The following ADARB2 variants were observed in gnomAD, a reference collection of about 807,000 sequenced individuals.
The protein encoded by ADARB2 is inactive double-stranded RNA-specific editase B2.
ADARB2 carries 25 observed loss-of-function variants against 62.2 expected under a neutral mutation model. The observed-to-expected ratio is 0.40, with a 90% confidence interval of 0.29 to 0.56. ADARB2 has a LOEUF of 0.56. Among genes scored for constraint, ADARB2 ranks in the 20% least tolerant of loss-of-function variants. ADARB2 has a pLI of 0.43. For synonymous variants in ADARB2, 572 were observed against 500.8 expected, an observed-to-expected ratio of 1.14 and a Z score of -1.90; for missense variants, 1,071 against 1,077.4, an observed-to-expected ratio of 0.99 and a Z score of 0.08.
intron 1 of ADARB2, among the ~76,000 whole-genome samples, chr10:1,517,178 T>C (rs1385727405): frequency 6.6e-6 from 1 of 152,142 alleles, no homozygotes; most frequent in Non-Finnish European, 1.5e-5. Context: ...AAAGTAACTC[T>C]TGCATCGTGC....
intron 3 of ADARB2, among the ~76,000 whole-genome samples, chr10:1,289,860 A>C (rs964309667): frequency 1.3e-5 from 2 of 152,256 alleles, no homozygotes; most frequent in African/African-American, 4.8e-5. Flanking sequence ...TTCGCCAAAC[A>C]ATAGCCTCTG....
chr10:1,630,249 C>T lies in ADARB2; in HGVS notation c.100+106802G>A, dbSNP rs76158364. Among the ~76,000 whole-genome samples the T allele has an allele frequency of 1.3e-4, 20 of 152,310 alleles. No homozygotes were observed. The East Asian group carries it at 3.7e-3, about 28-fold the overall frequency. Reference sequence around the variant, plus strand: ...ATGAATGGGACAGACTAGAGCTTGGCCCTCCCGACACTTATGTTCTCGTGA... The same window carrying T: ...ATGAATGGGACAGACTAGAGCTTGGTCCTCCCGACACTTATGTTCTCGTGA... On this transcript the variant is annotated intron_variant, in intron 1 of 9. Coordinates refer to ENST00000381312, the MANE Select transcript of ADARB2 (RefSeq NM_018702.4).
intron 1 of ADARB2, among the ~76,000 whole-genome samples, chr10:1,590,751 T>C (rs138222107): frequency 6.6e-6 from 1 of 152,336 alleles, no homozygotes; most frequent in African/African-American, 2.4e-5. Flanking sequence ...CGGAGAGTCG[T>C]GCAGGGGGTT....
chr10:1,695,366 G>T (rs74108988), intron 1 of ADARB2, among the ~76,000 whole-genome samples: 17,998 of 152,134 alleles, frequency 0.12, 1,177 homozygotes, highest in Non-Finnish European at 0.15. Context: ...GCATTAACAG[G>T]CTCACACAGC....
intron 1 of ADARB2, among the ~76,000 whole-genome samples, chr10:1,501,768 C>T (rs188323405): frequency 6.6e-6 from 1 of 152,266 alleles, no homozygotes; most frequent in East Asian, 1.9e-4. Flanking sequence ...TATCATTTCT[C>T]CCCACTGGGC....
chr10:1,646,158 TTTCC>T lies in ADARB2; in HGVS notation c.100+90889_100+90892del, dbSNP rs759024909. 9.6e-3 allele frequency among the ~76,000 whole-genome samples: 1,455 copies of T among 152,238 alleles called. 6 individuals carry two copies. The highest frequency in any genetic ancestry group is 0.037 in the Middle Eastern group (11 of 294). On this transcript the variant is annotated intron_variant, in intron 1 of 9. Transcript: ENST00000381312. ...GGGGCAGCTTAAAACCCCTGAGGGA[TTTCC>T]ATTAGGACACACCCAGGTCTATCCA...
At chr10:1,233,285 C>G (rs1291264844) in intron 6 of ADARB2, among the ~76,000 whole-genome samples, 1 of 152,200 alleles carries the variant, frequency 6.6e-6, no homozygotes, top group Non-Finnish European at 1.5e-5. Context: ...TCACTCATCC[C>G]TGGCTTGGTT....
chr10:1,532,334 T>C (rs1197897636), intron 1 of ADARB2, among the ~76,000 whole-genome samples: 2 of 152,200 alleles, frequency 1.3e-5, no homozygotes, highest in Non-Finnish European at 1.5e-5. Flanking sequence ...CAAAAACAGC[T>C]GTTGACCCTC....
chr10:1,650,597 C>T (rs918635614), intron 1 of ADARB2, among the ~76,000 whole-genome samples: 3 of 152,208 alleles, frequency 2.0e-5, no homozygotes, highest in African/African-American at 7.2e-5. Context: ...GAAGTCCTTG[C>T]TATCGGTCCG....
intron 4 of ADARB2, among the ~76,000 whole-genome samples, chr10:1,251,423 CG>C (rs1476857507): frequency 6.6e-6 from 1 of 151,924 alleles, no homozygotes; most frequent in Non-Finnish European, 1.5e-5. Flanking sequence ...GGGGATGAGG[CG>C]GGGAAGGGAT....
At chr10:1,455,984 G>A (rs1831090831) in intron 1 of ADARB2, among the ~76,000 whole-genome samples, 1 of 152,220 alleles carries the variant, frequency 6.6e-6, no homozygotes, top group Non-Finnish European at 1.5e-5. Context: ...CTCATGCATA[G>A]AAGAGTGGTT....
intron 1 of ADARB2, among the ~76,000 whole-genome samples, chr10:1,436,799 T>C (rs1234709000): frequency 6.6e-6 from 1 of 152,214 alleles, no homozygotes; most frequent in African/African-American, 2.4e-5. Context: ...CCCTGAAGCA[T>C]CTTGATTTAT....
chr10:1,305,685 A>T (rs1831620359), intron 3 of ADARB2, among the ~76,000 whole-genome samples: 1 of 151,946 alleles, frequency 6.6e-6, no homozygotes, highest in Non-Finnish European at 1.5e-5. Flanking sequence ...CCAGCAGCAC[A>T]TCAAAAAGCT....
At chr10:1,699,682 G>A (rs1473826088) in intron 1 of ADARB2, among the ~76,000 whole-genome samples, 5 of 818 alleles carry the variant, frequency 6.1e-3, no homozygotes, top group African/African-American at 0.01. Context: ...CCACTCCACC[G>A]GGAGACCAGG....
chr10:1,249,746 G>C (rs888495560), intron 4 of ADARB2, among the ~76,000 whole-genome samples: 1 of 151,960 alleles, frequency 6.6e-6, no homozygotes, highest in Non-Finnish European at 1.5e-5. Flanking sequence ...AAAGAAATTA[G>C]CTCTGTAGTA....
At chr10:1,508,214 A>C (rs575706523) in intron 1 of ADARB2, among the ~76,000 whole-genome samples, 1 of 152,156 alleles carries the variant, frequency 6.6e-6, no homozygotes, top group African/African-American at 2.4e-5. Context: ...GAGAGCCCTC[A>C]CTGTCACCGA....
Position 1,563,202 on chromosome 10 carries a change from G to T in ADARB2, c.100+173849C>A, listed in dbSNP as rs118151549. Reference sequence around the variant, plus strand: ...CAGGGTGAGAACGTGGTCCCTCTAAGGTGCTGACCTCTGTCCCTGCGACTC... The same window carrying T: ...CAGGGTGAGAACGTGGTCCCTCTAATGTGCTGACCTCTGTCCCTGCGACTC... On this transcript the variant is annotated intron_variant, in intron 1 of 9. Transcript: ENST00000381312. 7.0e-4 allele frequency among the ~76,000 whole-genome samples: 107 copies of T among 152,170 alleles called. 3 individuals are homozygous for T. The East Asian group carries it at 0.02, about 28-fold the overall frequency.
intron 3 of ADARB2, among the ~76,000 whole-genome samples, chr10:1,350,215 A>C (rs1832122665): frequency 1.3e-5 from 2 of 152,196 alleles, no homozygotes; most frequent in Admixed American, 6.5e-5. Flanking sequence ...AAACGGTCTG[A>C]AGTGCCTGAC....
intron 1 of ADARB2, among the ~76,000 whole-genome samples, chr10:1,495,639 T>C (rs1831678601): frequency 1.5e-5 from 1 of 66,270 alleles, no homozygotes. Context: ...TTAGTTAGAA[T>C]ATGATGAAAA....
Sources: allele counts gnomAD v4.1 joint callset (sites outside exome capture counted in the v4.1 genomes callset), GRCh38; gene constraint gnomAD v4.1.1; transcripts MANE v1.5; gene names NCBI Gene and HGNC (gene_info 2026-07-23, HGNC 2026-07-21).